EEFSEC: variants seen among roughly 807,000 people sequenced by gnomAD.
EEFSEC encodes the protein eukaryotic elongation factor, selenocysteine-tRNA specific, also known as selenocysteine-specific elongation factor.
Under a neutral mutation model 42.1 loss-of-function variants are expected in EEFSEC, and 43 were observed. That is an observed-to-expected ratio of 1.02 (90% CI 0.80 to 1.32). The LOEUF is 1.32. EEFSEC is among the 40% of genes most tolerant of loss of function. The probability of loss-of-function intolerance (pLI) is 0.00; values close to 1 mark genes in which losing one functional copy is unlikely to be tolerated. For synonymous variants in EEFSEC, 354 were observed against 339.1 expected, an observed-to-expected ratio of 1.04 and a Z score of -0.48; for missense variants, 745 against 803.6, an observed-to-expected ratio of 0.93 and a Z score of 0.88.
intron 4 of EEFSEC, among the ~76,000 whole-genome samples, chr3:128,266,007 A>C (rs1439959672): frequency 6.6e-6 from 1 of 152,214 alleles, no homozygotes; most frequent in Non-Finnish European, 1.5e-5. Flanking sequence ...CAAAATCTAC[A>C]GGGTAGGCTG....
At chr3:128,398,736 G>A (rs567161963) in intron 6 of EEFSEC, among the ~76,000 whole-genome samples, 14 of 152,342 alleles carry the variant, frequency 9.2e-5, no homozygotes, top group Admixed American at 8.5e-4. Flanking sequence ...ACTCGCAGCT[G>A]TGTGAGCCCC....
chr3:128,326,897 CT>C (rs1281275053), intron 4 of EEFSEC, among the ~76,000 whole-genome samples: 1 of 152,190 alleles, frequency 6.6e-6, no homozygotes, highest in African/African-American at 2.4e-5. Context: ...CCTGTTAATT[CT>C]TTTGGGTTTA....
At chr3:128,344,416 A>G (rs2067289143) in intron 5 of EEFSEC, among the ~76,000 whole-genome samples, 1 of 152,254 alleles carries the variant, frequency 6.6e-6, no homozygotes, top group South Asian at 2.1e-4. Flanking sequence ...ACATGGTAAA[A>G]AATTTCAAAC....
intron 5 of EEFSEC, among the ~76,000 whole-genome samples, chr3:128,344,670 A>G (rs1576656656): frequency 6.6e-6 from 1 of 152,188 alleles, no homozygotes; most frequent in East Asian, 1.9e-4. Context: ...AAAAGCTCGA[A>G]TCTCCTTGGT....
At chr3:128,227,139 T>A (rs1376410974) in intron 1 of EEFSEC, among the ~76,000 whole-genome samples, 1 of 152,242 alleles carries the variant, frequency 6.6e-6, no homozygotes, top group Non-Finnish European at 1.5e-5. Context: ...CTACCATGCC[T>A]TCTTCAGTCC....
rs1287923336 is a variant in EEFSEC, at chr3:128,200,761, G to GT, written c.317-46075_317-46074insT. On this transcript the variant is annotated intron_variant, in intron 1 of 6. Transcript: ENST00000254730. ...GCAGAACAATCGTGAGACTGTTATG[G>GT]AATAAGCCTTTGTTCTTTGCAATCA... Among the ~76,000 whole-genome samples, 3 of 152,334 alleles carry GT rather than the reference G, an allele frequency of 2.0e-5. No individual in the cohort carries two copies. The East Asian group carries it at 5.8e-4, about 29-fold the overall frequency.
At chr3:128,345,039 A>G (rs1022794990) in intron 5 of EEFSEC, among the ~76,000 whole-genome samples, 94 of 152,134 alleles carry the variant, frequency 6.2e-4, no homozygotes, top group Non-Finnish European at 3.8e-4. Flanking sequence ...CATCCGACAG[A>G]CTGGTCCAAT....
At chr3:128,178,257 T>G (rs2065371357) in intron 1 of EEFSEC, among the ~76,000 whole-genome samples, 1 of 152,228 alleles carries the variant, frequency 6.6e-6, no homozygotes, top group Non-Finnish European at 1.5e-5. Context: ...TCATCTTATT[T>G]TCATGTAAAA....
chr3:128,246,452 A>G (rs143057230), intron 1 of EEFSEC, among the ~76,000 whole-genome samples: 93 of 152,256 alleles, frequency 6.1e-4, no homozygotes, highest in Middle Eastern at 3.4e-3. Flanking sequence ...TGCCAAGCCT[A>G]GTACGAAACT....
intron 1 of EEFSEC, among the ~76,000 whole-genome samples, chr3:128,158,618 G>T (rs1944420513): frequency 6.6e-6 from 1 of 152,190 alleles, no homozygotes; most frequent in Non-Finnish European, 1.5e-5. Flanking sequence ...TTTTAGCAAT[G>T]AATTATTTTA....
chr3:128,154,353 C>T (rs1010327566), intron 1 of EEFSEC, among the ~76,000 whole-genome samples: 2 of 152,170 alleles, frequency 1.3e-5, no homozygotes, highest in Non-Finnish European at 2.9e-5. Context: ...AACATTGTGT[C>T]TGGAGAGTGC....
chr3:128,356,734 G>A (rs1212747206), intron 5 of EEFSEC, among the ~76,000 whole-genome samples: 3 of 152,160 alleles, frequency 2.0e-5, no homozygotes, highest in African/African-American at 2.4e-5. Context: ...TTCCTTCTGT[G>A]TATCCACCTC....
the EEFSEC span, among the ~76,000 whole-genome samples, chr3:128,414,821 C>T: frequency 2.6e-5 from 4 of 152,262 alleles, no homozygotes; most frequent in Non-Finnish European, 4.4e-5. Context: ...AGGAGGGAGA[C>T]GCCATGCCCA....
chr3:128,345,266 A>G (rs534181604), intron 5 of EEFSEC, among the ~76,000 whole-genome samples: 1 of 152,156 alleles, frequency 6.6e-6, no homozygotes, highest in Non-Finnish European at 1.5e-5. Flanking sequence ...AAGCTCTTAG[A>G]GTCAAAATAA....
At chr3:128,265,385 C>T (rs2066343721) in intron 4 of EEFSEC, among the ~76,000 whole-genome samples, 1 of 152,224 alleles carries the variant, frequency 6.6e-6, no homozygotes, top group African/African-American at 2.4e-5. Context: ...ACCCCTCCTT[C>T]TACTATGATG....
chr3:128,316,223 T>C (rs1353373066), intron 4 of EEFSEC, among the ~76,000 whole-genome samples: 5 of 152,200 alleles, frequency 3.3e-5, no homozygotes, highest in Non-Finnish European at 7.3e-5. Flanking sequence ...AGTTAAAGTT[T>C]CCTAAAATTC....
chr3:128,342,473 G>A (rs1357512996), intron 5 of EEFSEC, among the ~76,000 whole-genome samples: 2 of 152,266 alleles, frequency 1.3e-5, no homozygotes, highest in Non-Finnish European at 2.9e-5. Context: ...GGGGCTAAGG[G>A]TGCCAGAGAG....
intron 4 of EEFSEC, among the ~76,000 whole-genome samples, chr3:128,313,614 G>A (rs529693315): frequency 3.2e-4 from 48 of 152,316 alleles, no homozygotes; most frequent in South Asian, 1.7e-3. Context: ...GCCTGGTAAC[G>A]GGGCTTTGGC....
At chr3:128,293,470 G>C (rs1322890964) in intron 4 of EEFSEC, among the ~76,000 whole-genome samples, 1 of 151,456 alleles carries the variant, frequency 6.6e-6, no homozygotes, top group African/African-American at 2.4e-5. Flanking sequence ...GACCATCCTC[G>C]CTAACACAGT....
Sources: gnomAD v4.1 joint callset for allele counts (sites outside exome capture counted in the v4.1 genomes callset) on GRCh38, gnomAD v4.1.1 for gene constraint, MANE v1.5 for transcripts, NCBI Gene and HGNC (gene_info 2026-07-23, HGNC 2026-07-21) for gene names.